Variants in TMEM237 observed in about 807,000 individuals in gnomAD.
TMEM237 encodes the protein transmembrane protein 237, also known as amyotrophic lateral sclerosis 2 (juvenile) chromosome region, candidate 4.
In TMEM237, 51 loss-of-function variants were observed where a neutral mutation model predicts 59.1. The ratio of observed to expected loss-of-function variants is 0.86; its 90% CI spans 0.69 to 1.09. The LOEUF is 1.09. Ranked by LOEUF, TMEM237 falls within the 50% of genes least tolerant of loss-of-function variation. TMEM237 has a pLI of 0.00. For synonymous variants in TMEM237, 140 were observed against 166.1 expected (o/e 0.84, Z 1.21); for missense variants, 475 against 478.3 (o/e 0.99, Z 0.06).
At chr2:201,626,534 G>GAAAAA (rs751155005) in intron 11 of TMEM237, among the ~76,000 whole-genome samples, 1 of 96,026 alleles carries the variant, frequency 1.0e-5, no homozygotes, top group Non-Finnish European at 2.0e-5. Flanking sequence ...AGCATTTGGG[G>GAAAAA]AAAAAAAAAA....
intron 8 of TMEM237, 104 bp from the exon 9 acceptor site, chr2:201,629,525 G>T: frequency 7.4e-7 from 1 of 1,348,518 alleles, no homozygotes; most frequent in Non-Finnish European, 9.8e-7. Flanking sequence ...AACATTTCAT[G>T]ACAAGTAAAA....
chr2:201,626,241 C>T (rs1012533709), intron 11 of TMEM237, 94 bp from the exon 12 acceptor site: 1 of 1,332,492 alleles, frequency 7.5e-7, no homozygotes, highest in Non-Finnish European at 1.0e-6. Context: ...AAACAGCAGT[C>T]CTCTCCTAGA....
intron 1 of TMEM237, among the ~76,000 whole-genome samples, chr2:201,641,558 T>C (rs530976754): frequency 3.9e-5 from 6 of 151,988 alleles, no homozygotes; most frequent in Admixed American, 6.6e-5. Context: ...ACTCTGCTCT[T>C]ATGAAACTTA....
rs1439022843 is a variant in TMEM237 at position 201,640,885 on chromosome 2, A to G, written c.74+8T>C. 2.5e-6 allele frequency: 4 copies of G among 1,584,748 alleles called. No individual in the cohort carries two copies. Among genetic ancestry groups the G allele is most frequent in the Non-Finnish European group, 3.4e-6 (4 of 1,160,688 alleles). ...CTCAATAATGAAATTACTGTAAATT[A>G]TTTTTACCTTGGCACAGGTGGAAGA... On this transcript the variant is annotated splice_region_variant and intron_variant, in intron 2 of 12. Transcript: ENST00000409883.
chr2:201,633,439 C>G lies in TMEM237; in HGVS notation c.275-8G>C. The G allele has an allele frequency of 6.6e-7, 1 of 1,510,362 alleles. No homozygotes were observed. Among genetic ancestry groups the G allele is most frequent in the Non-Finnish European group, 8.8e-7 (1 of 1,131,254 alleles). 93.6% of individuals were successfully genotyped at this position (1,510,362 alleles called of 1,614,324 possible). On this transcript the variant is annotated splice_polypyrimidine_tract_variant and splice_region_variant and intron_variant, in intron 5 of 12. Transcript: ENST00000409883. The stretch of plus-strand genomic sequence containing the variant: ...TGGAGGAAGTCTCCAATTCTGAAAA[C>G]AAAATAAATTTAACTTTTCAAATAA...
intron 9 of TMEM237, among the ~76,000 whole-genome samples, chr2:201,628,541 T>C (rs1255992662): frequency 2.0e-4 from 30 of 152,162 alleles, no homozygotes; most frequent in Admixed American, 2.0e-3. Context: ...TACTTATGAA[T>C]GTGACCTTAT....
chr2:201,633,471 C>A, intron 5 of TMEM237, 40 bp from the exon 6 acceptor site: 1 of 1,449,804 alleles, frequency 6.9e-7, no homozygotes, highest in Admixed American at 2.6e-5. Flanking sequence ...ATAACTAAAA[C>A]ATAAAAAGAA....
At chr2:201,634,701 G>C (rs1040158471) in intron 5 of TMEM237, 1 of 201,006 alleles carries the variant, frequency 5.0e-6, no homozygotes, top group African/African-American at 2.4e-5. Flanking sequence ...AAGCTAGTCT[G>C]AGCACCATTT....
At position 201,623,318 on chromosome 2, in the gene TMEM237, G is replaced by A. The variant is rs1957727313; in HGVS notation, c.*937C>T. 2.9e-6 allele frequency: 1 copy of A among 344,836 alleles called. No individual in the cohort carries two copies. Among genetic ancestry groups the A allele is most frequent in the South Asian group, 2.5e-5 (1 of 39,764 alleles). The allele number at this position is 344,836 out of a possible 1,614,324, so 21.4% of individuals were successfully genotyped here. A position where few individuals can be genotyped will look rare whatever the true frequency, so the allele number is the denominator to read the frequency against. ...TTAGGGTCTCATATACAACAGCTGA[G>A]GTACCATTGGATATAGTTCTGAAGA... On this transcript the variant is annotated 3_prime_UTR_variant, in exon 13 of 13. Coordinates refer to ENST00000409883, the MANE Select transcript of TMEM237 (RefSeq NM_001044385.3).
At chr2:201,636,691 A>T (rs1200582924) in intron 5 of TMEM237, 57 bp downstream of exon 5, 5 of 1,532,234 alleles carry the variant, frequency 3.3e-6, no homozygotes, top group African/African-American at 2.8e-5. Context: ...AGAGGTTTTT[A>T]TCATGTCATC....
intron 1 of TMEM237, chr2:201,642,939 C>T (rs1687460369): frequency 7.6e-7 from 1 of 1,321,900 alleles, no homozygotes; most frequent in Non-Finnish European, 9.6e-7. Context: ...GATTTGTTTG[C>T]GGGAAGCGGG....
At chr2:201,633,680 C>T (rs1046860121) in intron 5 of TMEM237, among the ~76,000 whole-genome samples, 9 of 152,028 alleles carry the variant, frequency 5.9e-5, no homozygotes, top group African/African-American at 2.2e-4. Context: ...CTGAAGATTC[C>T]CAAGATTATC....
Position 201,629,257 on chromosome 2 carries a change from G to A in TMEM237, c.842C>T (p.Ala281Val). Residue 281 changes from alanine to valine, a missense_variant, in exon 9 of 13, where the codon GCT becomes GTT. Physicochemically the swap from Ala to Val is moderately conservative, Grantham distance 64. Transcript: ENST00000409883. The stretch of plus-strand genomic sequence containing the variant: ...GTCAAAAGCTGAAATTGTACTCAGA[G>A]CCAAAAGCAAGTACAGAAGACTCTG... The part of the protein sequence containing the change: ...PFQSLLYLLL[A>V]LSTISAFDRI... The A allele has an allele frequency of 1.3e-6, 2 of 1,580,586 alleles. No individual in the cohort carries two copies. The highest frequency in any genetic ancestry group is 8.6e-7 in the Non-Finnish European group (1 of 1,169,312).
At chr2:201,630,399 C>A (rs999984103) in intron 7 of TMEM237, among the ~76,000 whole-genome samples, 12 of 152,150 alleles carry the variant, frequency 7.9e-5, no homozygotes, top group Non-Finnish European at 2.9e-5. Context: ...AAAGTCAGCA[C>A]TGCAATATTG....
At chr2:201,638,313 T>A (rs1413488590) in intron 4 of TMEM237, 2 of 152,060 alleles carry the variant, frequency 1.3e-5, no homozygotes, top group Non-Finnish European at 2.9e-5. Context: ...GTGTGAGAGG[T>A]CTCAAGTAAA....
intron 4 of TMEM237, among the ~76,000 whole-genome samples, chr2:201,637,472 A>C (rs116374530): frequency 0.037 from 5,604 of 152,316 alleles, 132 homozygotes; most frequent in Middle Eastern, 0.054. Context: ...CACTGGGTGC[A>C]GTGGCTCATG....
chr2:201,628,921 C>T (rs1256047826), intron 9 of TMEM237, among the ~76,000 whole-genome samples: 1 of 152,162 alleles, frequency 6.6e-6, no homozygotes, highest in African/African-American at 2.4e-5. Context: ...TGCTAGGAGA[C>T]AAATACAAAT....
chr2:201,627,262 G>T, intron 11 of TMEM237, 59 bp downstream of exon 11: 1 of 1,218,450 alleles, frequency 8.2e-7, no homozygotes, highest in African/African-American at 1.5e-5. Context: ...AGAATGGAAG[G>T]ATAAGAAAAG....
At chr2:201,634,377 T>G (rs1299064305) in intron 5 of TMEM237, 1 of 152,260 alleles carries the variant, frequency 6.6e-6, no homozygotes, top group Non-Finnish European at 1.5e-5. Context: ...ATGCAAGCAG[T>G]AGAGCCTACC....
Sources: gnomAD v4.1 joint callset for allele counts (sites outside exome capture counted in the v4.1 genomes callset) on GRCh38, gnomAD v4.1.1 for gene constraint, MANE v1.5 for transcripts, NCBI Gene and HGNC (gene_info 2026-07-23, HGNC 2026-07-21) for gene names.